Variants in STARD13 observed in about 807,000 individuals in gnomAD.
STARD13 encodes the protein StAR related lipid transfer domain containing 13, also known as stAR-related lipid transfer protein 13.
In STARD13, 62 loss-of-function variants were observed where a neutral mutation model predicts 106.4. That is an observed-to-expected ratio of 0.58 (90% CI 0.48 to 0.72). STARD13 has a LOEUF of 0.72. STARD13 is among the 30% of genes least tolerant of loss of function. The pLI is 0.00. For synonymous variants in STARD13, 565 were observed against 553.0 expected (o/e 1.02, Z -0.31); for missense variants, 1,387 against 1,424.0 (o/e 0.97, Z 0.42).
the STARD13 span, among the ~76,000 whole-genome samples, chr13:33,464,576 A>T: frequency 6.6e-6 from 1 of 152,136 alleles, no homozygotes; most frequent in African/African-American, 2.4e-5. Context: ...GAGGCTGGGC[A>T]TGGTGGCTCA....
At chr13:33,421,702 T>C in the STARD13 span, among the ~76,000 whole-genome samples, 1 of 152,094 alleles carries the variant, frequency 6.6e-6, no homozygotes, top group Non-Finnish European at 1.5e-5. Context: ...CTCAATAAAA[T>C]ACCAGCAAAC....
chr13:33,532,990 G>A, the STARD13 span, among the ~76,000 whole-genome samples: 1 of 152,192 alleles, frequency 6.6e-6, no homozygotes, highest in African/African-American at 2.4e-5. Flanking sequence ...AAGAACCCAG[G>A]TGAGGCAAAC....
At chr13:33,461,817 T>G in the STARD13 span, among the ~76,000 whole-genome samples, 1 of 152,164 alleles carries the variant, frequency 6.6e-6, no homozygotes, top group Admixed American at 6.5e-5. Context: ...GACACACTTT[T>G]TAGAATGGCA....
the STARD13 span, among the ~76,000 whole-genome samples, chr13:33,499,422 T>C: frequency 6.6e-6 from 1 of 152,174 alleles, no homozygotes; most frequent in Non-Finnish European, 1.5e-5. Context: ...TCTCCTTGGG[T>C]TGCAGATGGC....
At chr13:33,545,162 G>C in the STARD13 span, among the ~76,000 whole-genome samples, 1 of 152,072 alleles carries the variant, frequency 6.6e-6, no homozygotes, top group Non-Finnish European at 1.5e-5. Context: ...TTTTCTCCAT[G>C]TTGGTCAGGC....
At chr13:33,516,335 T>C in the STARD13 span, among the ~76,000 whole-genome samples, 2 of 151,252 alleles carry the variant, frequency 1.3e-5, no homozygotes, top group Non-Finnish European at 2.9e-5. Context: ...ATTAAGCATA[T>C]CAGTTTCAGC....
chr13:33,417,606 G>T, the STARD13 span, among the ~76,000 whole-genome samples: 1 of 152,160 alleles, frequency 6.6e-6, no homozygotes, highest in Non-Finnish European at 1.5e-5. Context: ...GTAAAGTATG[G>T]ATCCATGCTG....
chr13:33,389,129 TG>T, the STARD13 span, among the ~76,000 whole-genome samples: 332 of 151,566 alleles, frequency 2.2e-3, 2 homozygotes, highest in South Asian at 4.6e-3. Context: ...CTAATTTTTT[TG>T]TATTTTTAGT....
intron 8 of STARD13, among the ~76,000 whole-genome samples, chr13:33,114,804 C>T (rs969699347): frequency 6.6e-6 from 1 of 152,094 alleles, no homozygotes; most frequent in African/African-American, 2.4e-5. Flanking sequence ...TTCTTTTATC[C>T]ATCAGAAAAT....
the STARD13 span, among the ~76,000 whole-genome samples, chr13:33,644,070 C>T: frequency 6.6e-6 from 1 of 152,190 alleles, no homozygotes; most frequent in Non-Finnish European, 1.5e-5. Flanking sequence ...AATTGGCAAC[C>T]TTTTACAAAA....
chr13:33,144,785 G>A (rs897845115), intron 3 of STARD13, among the ~76,000 whole-genome samples: 1 of 152,150 alleles, frequency 6.6e-6, no homozygotes, highest in Non-Finnish European at 1.5e-5. Flanking sequence ...GTTTAGGGGA[G>A]GATTGCCTGT....
chr13:33,672,934 A>ATGTCTTAC, the STARD13 span, among the ~76,000 whole-genome samples: 9 of 152,138 alleles, frequency 5.9e-5, no homozygotes, highest in Non-Finnish European at 1.0e-4. Flanking sequence ...TCTCTTTTGG[A>ATGTCTTAC]TGTCTTACAA....
chr13:33,639,007 G>A, the STARD13 span, among the ~76,000 whole-genome samples: 5,734 of 151,680 alleles, frequency 0.038, 361 homozygotes, highest in African/African-American at 0.13. Flanking sequence ...AGATATTTGT[G>A]AACCAGACAT....
chr13:33,653,078 T>C, the STARD13 span, among the ~76,000 whole-genome samples: 1 of 152,278 alleles, frequency 6.6e-6, no homozygotes, highest in South Asian at 2.1e-4. Context: ...AACAACTTAA[T>C]ATTGTTAAGA....
At chr13:33,370,265 A>G in the STARD13 span, among the ~76,000 whole-genome samples, 4 of 152,230 alleles carry the variant, frequency 2.6e-5, no homozygotes, top group Non-Finnish European at 5.9e-5. Flanking sequence ...TGATCCTTCT[A>G]GAATCAAATA....
the STARD13 span, among the ~76,000 whole-genome samples, chr13:33,516,370 C>T: frequency 2.0e-5 from 3 of 151,006 alleles, no homozygotes; most frequent in South Asian, 4.2e-4. Context: ...TTAAGAACAC[C>T]GAGAACATTT....
chr13:33,249,281 G>T (rs1889980281), intron 1 of STARD13, among the ~76,000 whole-genome samples: 2 of 152,172 alleles, frequency 1.3e-5, no homozygotes, highest in South Asian at 4.1e-4. Flanking sequence ...ACTAACTCAC[G>T]ATGACTCAGT....
the STARD13 span, among the ~76,000 whole-genome samples, chr13:33,377,000 A>G: frequency 6.6e-6 from 1 of 152,250 alleles, no homozygotes; most frequent in Non-Finnish European, 1.5e-5. Flanking sequence ...GGGTTGGTCA[A>G]TAAGATGCTA....
chr13:33,658,875 G>A, the STARD13 span, among the ~76,000 whole-genome samples: 1 of 152,102 alleles, frequency 6.6e-6, no homozygotes, highest in Non-Finnish European at 1.5e-5. Context: ...GGTTAACTTG[G>A]TCACCAATGG....
Sources: gnomAD v4.1 joint callset for allele counts (sites outside exome capture counted in the v4.1 genomes callset) on GRCh38, gnomAD v4.1.1 for gene constraint, MANE v1.5 for transcripts, NCBI Gene and HGNC (gene_info 2026-07-23, HGNC 2026-07-21) for gene names.